Variants in GALNT16 observed in about 807,000 individuals in gnomAD.
The protein encoded by GALNT16 is polypeptide N-acetylgalactosaminyltransferase 16.
Under a neutral mutation model 76.1 loss-of-function variants are expected in GALNT16, and 40 were observed. The ratio of observed to expected loss-of-function variants is 0.53; its 90% CI spans 0.41 to 0.68. The LOEUF (loss-of-function observed/expected upper bound fraction) is 0.68. Among genes scored for constraint, GALNT16 ranks in the 30% least tolerant of loss-of-function variants. GALNT16 has a pLI of 0.00. For synonymous variants in GALNT16, 276 were observed against 285.2 expected, an observed-to-expected ratio of 0.97 and a Z score of 0.32; for missense variants, 621 against 731.9, an observed-to-expected ratio of 0.85 and a Z score of 1.75.
intron 1 of GALNT16, chr14:69,260,682 T>C (rs1279672659): frequency 7.6e-6 from 2 of 263,042 alleles, no homozygotes; most frequent in East Asian, 1.5e-4. Flanking sequence ...TGACAGAGGG[T>C]GGGGGCTGGG....
intron 1 of GALNT16, among the ~76,000 whole-genome samples, chr14:69,263,524 A>G (rs1179977030): frequency 6.6e-6 from 1 of 152,242 alleles, no homozygotes; most frequent in East Asian, 1.9e-4. Context: ...GCAAATTCAG[A>G]CAGGCGTCAT....
the GALNT16 span, among the ~76,000 whole-genome samples, chr14:69,368,404 G>A: frequency 1.3e-5 from 2 of 152,128 alleles, no homozygotes; most frequent in Non-Finnish European, 2.9e-5. Flanking sequence ...TCATCTCAAG[G>A]CTCAAGCAGG....
At chr14:69,334,708 G>A (rs577133699) in intron 9 of GALNT16, among the ~76,000 whole-genome samples, 2 of 152,128 alleles carry the variant, frequency 1.3e-5, no homozygotes, top group South Asian at 4.1e-4. Flanking sequence ...CAGGTGGAGA[G>A]TGTCAGGGCT....
chr14:69,341,840 C>A, intron 12 of GALNT16, 76 bp downstream of exon 12: 1 of 891,106 alleles, frequency 1.1e-6, no homozygotes. Context: ...GGTCCCACCC[C>A]ACCCTTAGAT....
At position 69,325,364 on chromosome 14, in the gene GALNT16, GA is replaced by G; in HGVS notation, c.463del (p.Ile155SerfsTer6). On this transcript the variant is annotated frameshift_variant, in exon 4 of 15. Coordinates refer to ENST00000448469, the MANE Select transcript of GALNT16 (RefSeq NM_001168368.2). LOFTEE classifies it high-confidence loss of function. Reference sequence around the variant, plus strand: ...TCCTGAACCGAACTCCTGCCAACTTGATCCAGGAGATCATTTTAGTGGATGA... The same window carrying G: ...TCCTGAACCGAACTCCTGCCAACTTGTCCAGGAGATCATTTTAGTGGATGA... ...SVLNRTPANL[I>X]QEIILVDDFS... is the part of the protein sequence containing the mutation. 6.2e-7 allele frequency: 1 copy of G among 1,603,800 alleles called. No homozygotes were observed. The highest frequency in any genetic ancestry group is 8.5e-7 in the Non-Finnish European group (1 of 1,170,650).
the GALNT16 span, among the ~76,000 whole-genome samples, chr14:69,373,362 G>A: frequency 5.3e-5 from 8 of 152,126 alleles, no homozygotes; most frequent in Non-Finnish European, 1.0e-4. Context: ...AACATCTATT[G>A]ACAAGAATGC....
intron 1 of GALNT16, among the ~76,000 whole-genome samples, chr14:69,279,714 G>A (rs34710772): frequency 0.34 from 52,171 of 152,170 alleles, 9,491 homozygotes; most frequent in East Asian, 0.55. Flanking sequence ...GAAGATGAGC[G>A]TGTGCTTGGT....
intron 1 of GALNT16, among the ~76,000 whole-genome samples, chr14:69,286,270 G>A (rs2044610308): frequency 6.6e-6 from 1 of 151,772 alleles, no homozygotes; most frequent in Admixed American, 6.6e-5. Flanking sequence ...GGACTACACA[G>A]GTGTATGCAC....
intron 12 of GALNT16, 66 bp downstream of exon 12, chr14:69,341,830 G>A: frequency 1.0e-6 from 1 of 1,002,686 alleles, no homozygotes; most frequent in African/African-American, 1.6e-5. Context: ...CAGCGGCTTT[G>A]GTCCCACCCC....
intron 12 of GALNT16, among the ~76,000 whole-genome samples, chr14:69,342,325 A>G (rs2140192849): frequency 6.6e-6 from 1 of 151,086 alleles, no homozygotes; most frequent in East Asian, 2.0e-4. Context: ...GCACACACCT[A>G]TGAGTGGGAG....
chr14:69,322,284 G>A (rs2045199753), intron 2 of GALNT16, among the ~76,000 whole-genome samples: 1 of 152,250 alleles, frequency 6.6e-6, no homozygotes, highest in Non-Finnish European at 1.5e-5. Flanking sequence ...ATCCCCTCCT[G>A]TCTGCCTGTG....
chr14:69,311,835 T>G (rs577580751), intron 1 of GALNT16, among the ~76,000 whole-genome samples: 1 of 152,314 alleles, frequency 6.6e-6, no homozygotes. Flanking sequence ...GGCAGAAGGC[T>G]GTCACCATCT....
intron 1 of GALNT16, among the ~76,000 whole-genome samples, chr14:69,278,764 C>T (rs1478749813): frequency 6.6e-6 from 1 of 152,152 alleles, no homozygotes; most frequent in Non-Finnish European, 1.5e-5. Flanking sequence ...AGTGAGCATT[C>T]CTGAAGGCAA....
chr14:69,328,963 C>T (rs920462964), intron 6 of GALNT16, among the ~76,000 whole-genome samples: 4 of 152,318 alleles, frequency 2.6e-5, no homozygotes, highest in Non-Finnish European at 2.9e-5. Flanking sequence ...GCCCCTGCCA[C>T]GTGCCTACTG....
the GALNT16 span, chr14:69,380,600 C>A: frequency 1.2e-6 from 2 of 1,608,230 alleles, no homozygotes; most frequent in Admixed American, 3.4e-5. Flanking sequence ...TTAATCCAGT[C>A]TTTGTTATAA....
At chr14:69,291,494 G>A (rs933541494) in intron 1 of GALNT16, among the ~76,000 whole-genome samples, 4 of 152,148 alleles carry the variant, frequency 2.6e-5, no homozygotes, top group African/African-American at 7.2e-5. Context: ...AGTGAGGTCA[G>A]GGTCCCCACC....
At chr14:69,377,145 A>C in the GALNT16 span, among the ~76,000 whole-genome samples, 2 of 152,218 alleles carry the variant, frequency 1.3e-5, no homozygotes, top group Non-Finnish European at 2.9e-5. Flanking sequence ...GGTGCCAAGT[A>C]AGACCTCTTC....
At chr14:69,284,103 A>G (rs1256104142) in intron 1 of GALNT16, among the ~76,000 whole-genome samples, 1 of 152,004 alleles carries the variant, frequency 6.6e-6, no homozygotes, top group African/African-American at 2.4e-5. Flanking sequence ...ACAAACTTTG[A>G]CCCTCTCCTA....
intron 1 of GALNT16, among the ~76,000 whole-genome samples, chr14:69,307,610 G>A (rs891954054): frequency 6.6e-6 from 1 of 152,250 alleles, no homozygotes; most frequent in African/African-American, 2.4e-5. Context: ...TCACTCAGAG[G>A]TTAACTTGAC....
Sources: allele counts gnomAD v4.1 joint callset (sites outside exome capture counted in the v4.1 genomes callset), GRCh38; gene constraint gnomAD v4.1.1; transcripts MANE v1.5; gene names NCBI Gene and HGNC (gene_info 2026-07-23, HGNC 2026-07-21).